The following DOCK7 variants were observed in gnomAD, a reference collection of about 807,000 sequenced individuals.
DOCK7 encodes dedicator of cytokinesis protein 7.
Under a neutral mutation model 271.0 loss-of-function variants are expected in DOCK7, and 138 were observed. That is an observed-to-expected ratio of 0.51 (90% CI 0.44 to 0.59). The LOEUF (loss-of-function observed/expected upper bound fraction) is 0.59, where lower values mean the gene tolerates loss of function less well. Among genes scored for constraint, DOCK7 ranks in the 20% least tolerant of loss-of-function variants. The probability of loss-of-function intolerance (pLI) is 0.00; values close to 1 mark genes in which losing one functional copy is unlikely to be tolerated. For missense variants in DOCK7, 2,066 were observed against 2,592.4 expected, an observed-to-expected ratio of 0.80 and a Z score of 4.41; for synonymous variants, 823 against 876.1, an observed-to-expected ratio of 0.94 and a Z score of 1.07.
intron 6 of DOCK7, 85 bp downstream of exon 6, chr1:62,648,021 A>C: frequency 7.7e-7 from 1 of 1,300,152 alleles, no homozygotes; most frequent in Non-Finnish European, 1.1e-6. Context: ...TTTATCCTCT[A>C]CATTTTGTAA....
At chr1:62,485,675 A>G in intron 43 of DOCK7, 1 of 985,404 alleles carries the variant, frequency 1.0e-6, no homozygotes, top group Non-Finnish European at 1.2e-6. Flanking sequence ...AGACAATAGT[A>G]AAAGTGGGGA....
chr1:62,633,414 C>T (rs1341568745), intron 10 of DOCK7, 84 bp downstream of exon 10: 2 of 1,001,636 alleles, frequency 2.0e-6, no homozygotes, highest in Non-Finnish European at 1.5e-6. Flanking sequence ...ATTGCTATTG[C>T]ATATAAAATG....
chr1:62,553,328 A>T (rs1465052606), intron 21 of DOCK7, among the ~76,000 whole-genome samples: 1 of 3,162 alleles, frequency 3.2e-4, no homozygotes, highest in South Asian at 0.016. Flanking sequence ...ATATATATAT[A>T]TATATATATA....
Position 62,568,844 on chromosome 1 carries a change from G to C in DOCK7, c.2113-7141C>G, listed in dbSNP as rs62311682. ...AAAAAATTAATAAAATAGACTGCTA[G>C]CTAGATTAATAAAGAAGGAAAAAGA... On this transcript the variant is annotated intron_variant, in intron 18 of 49. Coordinates refer to ENST00000635253, the MANE Select transcript of DOCK7 (RefSeq NM_001367561.1). 3.1e-3 allele frequency among the ~76,000 whole-genome samples: 470 copies of C among 150,088 alleles called. 7 individuals carry two copies. The highest frequency in any genetic ancestry group is 0.027 in the East Asian group (138 of 5,096).
At chr1:62,629,766 A>G (rs919905056) in intron 11 of DOCK7, 3 of 152,218 alleles carry the variant, frequency 2.0e-5, no homozygotes, top group Non-Finnish European at 4.4e-5. Context: ...AACACGTTGT[A>G]TAACAAATCA....
intron 1 of DOCK7, among the ~76,000 whole-genome samples, chr1:62,687,187 G>T (rs1661884537): frequency 6.6e-6 from 1 of 152,180 alleles, no homozygotes; most frequent in Non-Finnish European, 1.5e-5. Context: ...CTTTTCTTGG[G>T]ACATCATAAT....
chr1:62,556,512 G>C (rs1221753687), intron 20 of DOCK7, among the ~76,000 whole-genome samples: 2 of 148,498 alleles, frequency 1.3e-5, no homozygotes, highest in East Asian at 3.9e-4. Context: ...TCTGTAAAAT[G>C]ATTAGAAGGA....
Position 62,556,077 on chromosome 1 carries a change from T to C in DOCK7, c.2432-88A>G, listed in dbSNP as rs1646133016. ...AGATCAACATTTTGTCATCTTTGCA[T>C]ACTTTAAGTATAGTGACTACACAGT... On this transcript the variant is annotated intron_variant, in intron 20 of 49. Coordinates refer to ENST00000635253, the MANE Select transcript of DOCK7 (RefSeq NM_001367561.1). 4.6e-6 allele frequency: 6 copies of C among 1,310,210 alleles called. No homozygotes were observed. In the East Asian group the frequency reaches 9.2e-5, roughly 20 times the overall value. The allele number at this position is 1,310,210 out of a possible 1,614,324, so 81.2% of individuals were successfully genotyped here.
intron 13 of DOCK7, 22 bp from the exon 14 acceptor site, chr1:62,618,890 AC>A (rs761955825): frequency 3.1e-5 from 49 of 1,606,030 alleles, no homozygotes; most frequent in Non-Finnish European, 4.0e-5. Context: ...ATATTAAAAA[AC>A]AATGTAAAGA....
At chr1:62,581,728 T>C (rs1455458550) in intron 16 of DOCK7, among the ~76,000 whole-genome samples, 3 of 151,408 alleles carry the variant, frequency 2.0e-5, no homozygotes, top group Non-Finnish European at 4.4e-5. Flanking sequence ...GCCTTACACT[T>C]ACGGGAAAAA....
At chr1:62,674,059 C>T (rs1168124) in intron 1 of DOCK7, among the ~76,000 whole-genome samples, 87,566 of 151,928 alleles carry the variant, frequency 0.58, 27,194 homozygotes, top group East Asian at 0.76. Context: ...AGAAAATTCT[C>T]AGGAACCCAC....
chr1:62,516,610 C>T (rs1179789473), intron 31 of DOCK7, among the ~76,000 whole-genome samples: 1 of 151,804 alleles, frequency 6.6e-6, no homozygotes, highest in African/African-American at 2.4e-5. Flanking sequence ...AAGATTCATA[C>T]CTCTCCTTCA....
At chr1:62,618,218 T>C (rs1336325852) in intron 14 of DOCK7, among the ~76,000 whole-genome samples, 8 of 152,134 alleles carry the variant, frequency 5.3e-5, no homozygotes, top group Non-Finnish European at 8.8e-5. Context: ...ATTCTCTAGA[T>C]AGGATATACT....
intron 2 of DOCK7, among the ~76,000 whole-genome samples, chr1:62,656,473 C>T (rs1210814977): frequency 6.6e-6 from 1 of 152,050 alleles, no homozygotes; most frequent in Non-Finnish European, 1.5e-5. Context: ...GCCAAACCCT[C>T]AAATAAATGG....
intron 16 of DOCK7, 44 bp downstream of exon 16, chr1:62,583,140 A>T (rs1178877061): frequency 4.7e-6 from 7 of 1,493,666 alleles, no homozygotes; most frequent in Non-Finnish European, 6.5e-6. Flanking sequence ...TAACAATGCC[A>T]CTGAGAAGTG....
At chr1:62,473,728 C>T (rs1184833442) in intron 48 of DOCK7, among the ~76,000 whole-genome samples, 1 of 151,972 alleles carries the variant, frequency 6.6e-6, no homozygotes, top group East Asian at 1.9e-4. Flanking sequence ...GCACTACAGG[C>T]GCACAACCTA....
intron 2 of DOCK7, among the ~76,000 whole-genome samples, chr1:62,662,710 G>A (rs532913634): frequency 3.3e-5 from 5 of 152,220 alleles, no homozygotes; most frequent in South Asian, 2.1e-4. Flanking sequence ...GCAGTGAGCC[G>A]AGAACGCGCC....
intron 37 of DOCK7, 97 bp downstream of exon 37, chr1:62,504,533 A>C (rs1374423019): frequency 9.1e-6 from 12 of 1,311,778 alleles, no homozygotes; most frequent in Non-Finnish European, 1.2e-5. Context: ...AAAAATATAC[A>C]AAAAACTCCA....
At chr1:62,564,818 C>T (rs1305346602) in intron 18 of DOCK7, among the ~76,000 whole-genome samples, 36 of 151,712 alleles carry the variant, frequency 2.4e-4, no homozygotes, top group Admixed American at 2.2e-3. Context: ...TAATAAAGAA[C>T]AAAAGAGAGA....
Sources: gnomAD v4.1 joint callset for allele counts (sites outside exome capture counted in the v4.1 genomes callset) on GRCh38, gnomAD v4.1.1 for gene constraint, MANE v1.5 for transcripts, NCBI Gene and HGNC (gene_info 2026-07-23, HGNC 2026-07-21) for gene names.